Variants in RNF212 observed in about 807,000 individuals in gnomAD.
RNF212 encodes the protein probable E3 SUMO-protein ligase RNF212.
RNF212 carries 33 observed loss-of-function variants against 34.7 expected under a neutral mutation model. That is an observed-to-expected ratio of 0.95 (90% CI 0.72 to 1.27). The LOEUF (loss-of-function observed/expected upper bound fraction) is 1.27, where lower values mean the gene tolerates loss of function less well. Ranked by LOEUF, RNF212 falls within the 50% of genes most tolerant of loss-of-function variation. The probability of loss-of-function intolerance (pLI) is 0.00; values close to 1 mark genes in which losing one functional copy is unlikely to be tolerated. For missense variants in RNF212, 377 were observed against 362.2 expected (o/e 1.04, Z -0.33); for synonymous variants, 140 against 136.1 (o/e 1.03, Z -0.20).
rs148573001 is a variant in RNF212, at chr4:1,080,733, G to A, written c.464+686C>T. Among the ~76,000 whole-genome samples, 702 of 152,302 alleles carry A rather than the reference G, an allele frequency of 4.6e-3. 10 individuals are homozygous for A. Among genetic ancestry groups the A allele is most frequent in the Middle Eastern group, 6.8e-3 (2 of 294 alleles). On this transcript the variant is annotated intron_variant, in intron 7 of 9. Transcript: ENST00000433731. ...CTGCCTCTTGCTACCTGTGGACAGA[G>A]CACTGTCCTCCCCACAGGCGCCCTC... is the stretch of plus-strand genomic sequence containing the variant.
At chr4:1,101,457 G>A (rs1335696091) in intron 2 of RNF212, 1 of 156,072 alleles carries the variant, frequency 6.4e-6, no homozygotes, top group East Asian at 1.9e-4. Context: ...TTCTGCTTAA[G>A]ATGGGATTTT....
At chr4:1,073,259 T>C (rs1397276767) in intron 9 of RNF212, 66 bp from the exon 10 acceptor site, 1 of 1,561,072 alleles carries the variant, frequency 6.4e-7, no homozygotes, top group Non-Finnish European at 8.7e-7. Flanking sequence ...GGATGTGTGC[T>C]GAGGGTGAGG....
chr4:1,112,006 G>A (rs1047797084), intron 1 of RNF212, among the ~76,000 whole-genome samples: 2 of 152,158 alleles, frequency 1.3e-5, no homozygotes, highest in African/African-American at 4.8e-5. Context: ...GACAGGAATT[G>A]GAGACCATCC....
intron 2 of RNF212, chr4:1,100,286 G>C (rs1437772041): frequency 4.1e-6 from 1 of 242,640 alleles, no homozygotes. Flanking sequence ...AACACCGTCA[G>C]ATCCATTCCA....
At position 1,073,113 on chromosome 4, in the gene RNF212, A is replaced by G; in HGVS notation, c.655T>C (p.Ser219Pro). 6.2e-7 allele frequency: 1 copy of G among 1,614,204 alleles called. No individual in the cohort carries two copies. Among genetic ancestry groups the G allele is most frequent in the Non-Finnish European group, 8.5e-7 (1 of 1,180,034 alleles). ...KPPVPGECVI[S>P]RGSPCFCIDV... is the part of the protein sequence containing the mutation. ...ATGCAGAAACATGGTGAACCTCTGG[A>G]AATGACACACTCTCCGGGCACAGGG... The change falls in exon 10 of 10, where the codon TCC becomes CCC. Residue 219 changes from serine (S) to proline (P), a missense_variant. Physicochemically the swap from Ser to Pro is moderately conservative, Grantham distance 74. Coordinates refer to ENST00000433731, the MANE Select transcript of RNF212 (RefSeq NM_001131034.4).
chr4:1,098,822 T>C (rs1033853854), intron 2 of RNF212, among the ~76,000 whole-genome samples: 3 of 152,154 alleles, frequency 2.0e-5, no homozygotes, highest in African/African-American at 7.2e-5. Context: ...GCGTGGCCCA[T>C]GTGAGTGCGC....
chr4:1,076,309 C>T (rs1719290071), intron 8 of RNF212, among the ~76,000 whole-genome samples: 1 of 152,234 alleles, frequency 6.6e-6, no homozygotes, highest in South Asian at 2.1e-4. Context: ...AACCAATCCC[C>T]TCTGGGCGGG....
intron 8 of RNF212, among the ~76,000 whole-genome samples, chr4:1,079,165 A>G (rs113396403): frequency 2.1e-4 from 27 of 128,146 alleles, no homozygotes; most frequent in African/African-American, 3.4e-4. Context: ...GGACCAACAT[A>G]GGACCAACAC....
Position 1,071,613 on chromosome 4 carries a change from G to C in RNF212, c.*1261C>G, listed in dbSNP as rs1718501160. 6.6e-6 allele frequency: 1 copy of C among 152,048 alleles called. No homozygotes were observed. The allele number at this position is 152,048 out of a possible 1,614,324, so 9.4% of individuals were successfully genotyped here. The stretch of plus-strand genomic sequence containing the variant: ...AAGAAAACAATCCAATTAAAAAATG[G>C]GCCAAATACCTTAACAGACACTTCA... On this transcript the variant is annotated 3_prime_UTR_variant, in exon 10 of 10. Coordinates refer to ENST00000433731, the MANE Select transcript of RNF212 (RefSeq NM_001131034.4).
At chr4:1,075,800 A>T (rs1204712214) in intron 8 of RNF212, among the ~76,000 whole-genome samples, 1 of 152,100 alleles carries the variant, frequency 6.6e-6, no homozygotes, top group Non-Finnish European at 1.5e-5. Flanking sequence ...GCTTCTCAGT[A>T]GCTGGGACTA....
rs1577747125 is a variant in RNF212 at position 1,093,248 on chromosome 4, G to C, written c.247-2410C>G. On this transcript the variant is annotated intron_variant, in intron 3 of 9. Transcript: ENST00000433731. ...CTTAAAAGTTACTGAGGGCCCCAGA[G>C]AGCTTTGCTTATGTGGGTTTTATCT... 8.3e-6 allele frequency: 4 copies of C among 481,438 alleles called. No individual in the cohort carries two copies. In the East Asian group the frequency reaches 1.2e-4, roughly 15 times the overall value. 29.8% of individuals were successfully genotyped at this position (481,438 alleles called of 1,614,324 possible).
At chr4:1,066,972 A>G (rs527789723), downstream of RNF212, among the ~76,000 whole-genome samples, 1 of 152,258 alleles carries the variant, frequency 6.6e-6, no homozygotes, top group South Asian at 2.1e-4. Context: ...TTTTCTACAT[A>G]GTGTTAGGAA....
At position 1,093,438 on chromosome 4, in the gene RNF212, G is replaced by A. The variant is rs190145033; in HGVS notation, c.247-2600C>T. 4.1e-5 allele frequency: 59 copies of A among 1,431,512 alleles called. No homozygotes were observed. The Admixed American group carries it at 5.5e-4, about 13-fold the overall frequency. The allele number at this position is 1,431,512 out of a possible 1,614,324, so 88.7% of individuals were successfully genotyped here. ...CATAAATGTTACAATACCACCTCAC[G>A]TCACACAGCTGCGGGAAAACTCCAC... On this transcript the variant is annotated intron_variant, in intron 3 of 9. Coordinates refer to ENST00000433731, the MANE Select transcript of RNF212 (RefSeq NM_001131034.4).
intron 8 of RNF212, among the ~76,000 whole-genome samples, chr4:1,077,474 C>A (rs1361087074): frequency 1.3e-5 from 2 of 152,146 alleles, no homozygotes; most frequent in Non-Finnish European, 2.9e-5. Context: ...CTCAAGTGAT[C>A]CACCTGCCTT....
intron 3 of RNF212, chr4:1,093,490 A>G (rs1203873445): frequency 2.1e-5 from 31 of 1,479,664 alleles, no homozygotes; most frequent in Non-Finnish European, 2.4e-5. Context: ...TCACCTCCAC[A>G]GTGTAACTGA....
intron 5 of RNF212, among the ~76,000 whole-genome samples, chr4:1,085,113 C>T (rs1190386529): frequency 2.0e-5 from 3 of 152,252 alleles, no homozygotes; most frequent in East Asian, 1.9e-4. Flanking sequence ...ACTCCTCGAC[C>T]TCCATGTTAG....
At chr4:1,091,188 G>T (rs1390801911) in intron 3 of RNF212, among the ~76,000 whole-genome samples, 2 of 152,214 alleles carry the variant, frequency 1.3e-5, no homozygotes, top group Admixed American at 6.5e-5. Flanking sequence ...CAATGGCTGG[G>T]GCAAGTGGAA....
At chr4:1,106,465 A>T (rs1329543628) in intron 2 of RNF212, among the ~76,000 whole-genome samples, 1 of 152,210 alleles carries the variant, frequency 6.6e-6, no homozygotes, top group Non-Finnish European at 1.5e-5. Flanking sequence ...ACAGGGAGCT[A>T]AAAGCTAACC....
chr4:1,078,454 CG>C (rs1270960566), intron 8 of RNF212, among the ~76,000 whole-genome samples: 1 of 152,198 alleles, frequency 6.6e-6, no homozygotes, highest in Non-Finnish European at 1.5e-5. Flanking sequence ...ACGGGAGAGC[CG>C]GGCCTGGACT....
Sources: gnomAD v4.1 joint callset for allele counts (sites outside exome capture counted in the v4.1 genomes callset) on GRCh38, gnomAD v4.1.1 for gene constraint, MANE v1.5 for transcripts, NCBI Gene and HGNC (gene_info 2026-07-23, HGNC 2026-07-21) for gene names.